Variants in TNFSF8 observed in about 807,000 individuals in gnomAD.
TNFSF8 encodes the protein tumor necrosis factor ligand superfamily member 8.
A neutral mutation model predicts 22.0 loss-of-function variants in TNFSF8; 4 were observed. That is an observed-to-expected ratio of 0.18 (90% CI 0.09 to 0.42). The LOEUF (loss-of-function observed/expected upper bound fraction) is 0.42, where lower values mean the gene tolerates loss of function less well. Ranked by LOEUF, TNFSF8 falls within the 10% of genes least tolerant of loss-of-function variation. The probability of loss-of-function intolerance (pLI) is 1.00; values close to 1 mark genes in which losing one functional copy is unlikely to be tolerated. For synonymous variants in TNFSF8, 106 were observed against 112.5 expected (o/e 0.94, Z 0.37); for missense variants, 233 against 281.8 (o/e 0.83, Z 1.24).
intron 2 of TNFSF8, among the ~76,000 whole-genome samples, chr9:114,908,483 C>T (rs766107938): frequency 1.2e-4 from 18 of 152,138 alleles, no homozygotes; most frequent in Non-Finnish European, 2.2e-4. Context: ...TGGCCGAAAG[C>T]CCTCTTACAC....
chr9:114,909,405 T>G (rs1205400682), intron 2 of TNFSF8, among the ~76,000 whole-genome samples: 2 of 152,190 alleles, frequency 1.3e-5, no homozygotes, highest in Non-Finnish European at 2.9e-5. Flanking sequence ...AAGTGAGAAC[T>G]GTCTGCAAGT....
intron 1 of TNFSF8, among the ~76,000 whole-genome samples, chr9:114,919,959 T>C (rs977851825): frequency 3.9e-5 from 6 of 152,184 alleles, no homozygotes; most frequent in African/African-American, 9.7e-5. Context: ...GGGCCCTACC[T>C]TCTCAGGGGA....
rs148202777 is a variant in TNFSF8 at position 114,918,106 on chromosome 9, G to A, written c.228C>T (p.Pro76=). Residue 76 remains proline (P), a synonymous_variant, in exon 2 of 4, where the codon CCC becomes CCT. Transcript: ENST00000223795. ...ATTCCAAGATCTTACCTCCTTTGAG[G>A]GGGACGTTGTCAGGTGAGTTGGGAA... The part of the protein sequence containing the change: ...DSIPNSPDNV[P]LKGGNCSEDL... 3.1e-6 allele frequency: 5 copies of A among 1,607,930 alleles called. No homozygotes were observed. The African/African-American group carries it at 5.4e-5, about 17-fold the overall frequency.
downstream of TNFSF8, among the ~76,000 whole-genome samples, chr9:114,896,965 C>A (rs191023175): frequency 6.6e-6 from 1 of 152,020 alleles, no homozygotes; most frequent in South Asian, 2.1e-4. Flanking sequence ...TGCAGTGGTG[C>A]AATCTCGGCT....
chr9:114,929,983 G>T (rs774967504), intron 1 of TNFSF8, 126 bp downstream of exon 1: 28 of 496,788 alleles, frequency 5.6e-5, no homozygotes, highest in African/African-American at 2.3e-4. Context: ...TATATAGAGA[G>T]AGAGAGTTTA....
chr9:114,898,894 A>G (rs112829391), downstream of TNFSF8, among the ~76,000 whole-genome samples: 1,066 of 152,254 alleles, frequency 7.0e-3, 4 homozygotes, highest in Non-Finnish European at 0.011. Context: ...TAATCTTGCA[A>G]TCAGGAAGCC....
chr9:114,899,097 C>G (rs937396171), downstream of TNFSF8, among the ~76,000 whole-genome samples: 1 of 152,182 alleles, frequency 6.6e-6, no homozygotes, highest in Non-Finnish European at 1.5e-5. Flanking sequence ...CCTCTGCAAA[C>G]GAAGCTGCAG....
rs1271729695 is a variant in TNFSF8 at position 114,901,526 on chromosome 9, A to T, written c.*2405T>A. ...CGAGTTAGAATGTGAGATGGCAAAAAAATTGCTTAGTTAACACACAGTTGG... is the reference window on the plus strand; with the variant it reads ...CGAGTTAGAATGTGAGATGGCAAAATAATTGCTTAGTTAACACACAGTTGG... On this transcript the variant is annotated 3_prime_UTR_variant, in exon 4 of 4. Transcript: ENST00000223795. 6.1e-6 allele frequency: 6 copies of T among 985,158 alleles called. No individual in the cohort carries two copies. In the African/African-American group the frequency reaches 1.0e-4, roughly 17 times the overall value. 61.0% of individuals were successfully genotyped at this position (985,158 alleles called of 1,614,324 possible). A position where few individuals can be genotyped will look rare whatever the true frequency, so the allele number is the denominator to read the frequency against.
In TNFSF8 at chr9:114,902,107, T is replaced by C. The variant is rs1402648112; in HGVS notation, c.*1824A>G. 1 of 985,248 alleles carries C rather than the reference T, an allele frequency of 1.0e-6. No individual in the cohort carries two copies. Among genetic ancestry groups the C allele is most frequent in the Non-Finnish European group, 1.2e-6 (1 of 829,922 alleles). 61.0% of individuals were successfully genotyped at this position (985,248 alleles called of 1,614,324 possible). ...CCTACATTCCATCTCAAACGGCTTG[T>C]CAAGGTCCTTCCACAAATAAGATGT... On this transcript the variant is annotated 3_prime_UTR_variant, in exon 4 of 4. Coordinates refer to ENST00000223795, the MANE Select transcript of TNFSF8 (RefSeq NM_001244.4).
chr9:114,927,119 ATAT>A (rs1280738113), intron 1 of TNFSF8, among the ~76,000 whole-genome samples: 9 of 144,982 alleles, frequency 6.2e-5, no homozygotes, highest in Non-Finnish European at 1.1e-4. Context: ...ATATAAAGTA[ATAT>A]TATTATATAA....
At chr9:114,904,964 C>G (rs1827767186) in intron 3 of TNFSF8, among the ~76,000 whole-genome samples, 1 of 152,128 alleles carries the variant, frequency 6.6e-6, no homozygotes, top group South Asian at 2.1e-4. Context: ...GTGCAGGTCC[C>G]CCATGTGCTT....
chr9:114,929,625 G>T (rs181092250), intron 1 of TNFSF8, among the ~76,000 whole-genome samples: 1 of 152,038 alleles, frequency 6.6e-6, no homozygotes, highest in Non-Finnish European at 1.5e-5. Context: ...TCAGAATCCA[G>T]TCTGAAGTCC....
At chr9:114,898,613 G>C (rs565882765), downstream of TNFSF8, among the ~76,000 whole-genome samples, 1 of 152,188 alleles carries the variant, frequency 6.6e-6, no homozygotes, top group Non-Finnish European at 1.5e-5. Flanking sequence ...TGTAGGAATA[G>C]TGTTAAGTTC....
At chr9:114,927,302 G>T (rs1236434627) in intron 1 of TNFSF8, among the ~76,000 whole-genome samples, 1 of 151,932 alleles carries the variant, frequency 6.6e-6, no homozygotes, top group Non-Finnish European at 1.5e-5. Flanking sequence ...GCACACAGTA[G>T]ATATTTAATA....
intron 1 of TNFSF8, among the ~76,000 whole-genome samples, chr9:114,919,091 A>G (rs1041559946): frequency 6.7e-5 from 10 of 149,802 alleles, no homozygotes; most frequent in African/African-American, 2.0e-4. Flanking sequence ...GTACATCTCT[A>G]TGTCTCCTGT....
intron 4 of TNFSF8, chr9:114,894,178 T>G: frequency 6.5e-7 from 1 of 1,529,596 alleles, no homozygotes; most frequent in South Asian, 1.2e-5. Flanking sequence ...GAAGAAAGAA[T>G]AACTTTACTT....
intron 1 of TNFSF8, among the ~76,000 whole-genome samples, chr9:114,928,828 C>A (rs1453514856): frequency 6.6e-6 from 1 of 152,180 alleles, no homozygotes; most frequent in East Asian, 1.9e-4. Context: ...TTCAAAGCTT[C>A]CATTTAATTT....
chr9:114,914,253 G>A (rs1282139601), intron 2 of TNFSF8, among the ~76,000 whole-genome samples: 12 of 152,188 alleles, frequency 7.9e-5, no homozygotes, highest in Admixed American at 7.2e-4. Context: ...CAAGAACAGA[G>A]GGACCTAATA....
At chr9:114,924,454 T>A (rs577984331) in intron 1 of TNFSF8, among the ~76,000 whole-genome samples, 3 of 152,182 alleles carry the variant, frequency 2.0e-5, no homozygotes, top group Non-Finnish European at 2.9e-5. Context: ...CTCTTGGCAA[T>A]GATAATGGCA....
Sources: allele counts gnomAD v4.1 joint callset (sites outside exome capture counted in the v4.1 genomes callset), GRCh38; gene constraint gnomAD v4.1.1; transcripts MANE v1.5; gene names NCBI Gene and HGNC (gene_info 2026-07-23, HGNC 2026-07-21).